Variants in KIAA0586 observed in about 807,000 individuals in gnomAD.
The protein encoded by KIAA0586 is protein TALPID3.
Under a neutral mutation model 169.8 loss-of-function variants are expected in KIAA0586, and 144 were observed. That is an observed-to-expected ratio of 0.85 (90% CI 0.74 to 0.97). The LOEUF (loss-of-function observed/expected upper bound fraction) is 0.97. KIAA0586 is among the 50% of genes least tolerant of loss of function. The pLI is 0.00. For missense variants in KIAA0586, 1,854 were observed against 1,823.0 expected (o/e 1.02, Z -0.31); for synonymous variants, 625 against 612.4 (o/e 1.02, Z -0.30).
Position 58,453,765 on chromosome 14 carries a change from A to T in KIAA0586, c.1253+292A>T, listed in dbSNP as rs1748976. The stretch of plus-strand genomic sequence containing the variant: ...AATAATCCAAGATAGGTTAGGGGCA[A>T]GTAAGTTGGGAGTATAGATAAAATG... On this transcript the variant is annotated intron_variant, in intron 9 of 30. Coordinates refer to ENST00000652326, the MANE Select transcript of KIAA0586 (RefSeq NM_001329943.3). Among the ~76,000 whole-genome samples, 148,671 of 152,154 alleles carry T rather than the reference A, an allele frequency of 0.98. 72,722 individuals are homozygous for T. The highest frequency in any genetic ancestry group is 1 in the Non-Finnish European group (67,963 of 68,000).
intron 4 of KIAA0586, among the ~76,000 whole-genome samples, chr14:58,442,205 G>T (rs2038447854): frequency 6.6e-6 from 1 of 151,818 alleles, no homozygotes; most frequent in Non-Finnish European, 1.5e-5. Flanking sequence ...CGCCTCCTGG[G>T]TTCTAGTAAT....
At chr14:58,473,059 C>G (rs562427412) in intron 18 of KIAA0586, among the ~76,000 whole-genome samples, 1 of 150,002 alleles carries the variant, frequency 6.7e-6, no homozygotes, top group South Asian at 2.1e-4. Context: ...AATATACAAG[C>G]GAAAGAAATG....
rs745868164 is a variant in KIAA0586 at position 58,549,341 on chromosome 14, TA to T, written c.*1422del. 1,078 of 140,270 alleles carry T rather than the reference TA, an allele frequency of 7.7e-3. No individual in the cohort carries two copies. The highest frequency in any genetic ancestry group is 8.8e-3 in the Non-Finnish European group (565 of 64,008). 8.7% of individuals were successfully genotyped at this position (140,270 alleles called of 1,614,324 possible). On this transcript the variant is annotated 3_prime_UTR_variant, in exon 31 of 31. Coordinates refer to ENST00000652326, the MANE Select transcript of KIAA0586 (RefSeq NM_001329943.3). ...CTTGGATGGGGTCCAGCATTGGTAT[TA>T]AAAAAAAAAAAAGACCTTTTCAGGT... is the stretch of plus-strand genomic sequence containing the variant.
intron 26 of KIAA0586, 104 bp downstream of exon 26, chr14:58,492,379 C>A: frequency 1.0e-6 from 1 of 984,848 alleles, no homozygotes; most frequent in Non-Finnish European, 1.4e-6. Flanking sequence ...TTGGTTTTTT[C>A]AAGGGTCAGT....
intron 29 of KIAA0586, among the ~76,000 whole-genome samples, chr14:58,528,112 A>G (rs1018673591): frequency 1.3e-5 from 2 of 152,246 alleles, no homozygotes; most frequent in African/African-American, 4.8e-5. Context: ...AAAGAAGGTT[A>G]TTACGTAATG....
intron 27 of KIAA0586, among the ~76,000 whole-genome samples, chr14:58,499,572 T>C (rs576627716): frequency 7.0e-4 from 101 of 143,398 alleles, no homozygotes; most frequent in South Asian, 2.7e-3. Context: ...TATTTTATTT[T>C]TTTGGAGACG....
chr14:58,446,019 C>A (rs1808542664), intron 6 of KIAA0586, among the ~76,000 whole-genome samples: 1 of 151,126 alleles, frequency 6.6e-6, no homozygotes, highest in Admixed American at 6.6e-5. Flanking sequence ...CAGACGCCCA[C>A]CACCATGCCC....
chr14:58,466,966 C>T (rs2040820466), intron 15 of KIAA0586, among the ~76,000 whole-genome samples: 1 of 152,088 alleles, frequency 6.6e-6, no homozygotes, highest in South Asian at 2.1e-4. Flanking sequence ...TCATTTTTGT[C>T]CTCACACCAG....
intron 20 of KIAA0586, among the ~76,000 whole-genome samples, chr14:58,480,044 G>A (rs773083059): frequency 2.6e-5 from 4 of 151,576 alleles, no homozygotes; most frequent in Non-Finnish European, 1.5e-5. Context: ...CTCAGGATAA[G>A]CTATTCTTTC....
intron 9 of KIAA0586, among the ~76,000 whole-genome samples, chr14:58,455,111 T>G (rs1414709539): frequency 6.6e-6 from 1 of 152,220 alleles, no homozygotes; most frequent in Non-Finnish European, 1.5e-5. Flanking sequence ...TCAAATATGA[T>G]GCTGAGCCCC....
chr14:58,450,896 T>G, intron 8 of KIAA0586, 150 bp downstream of exon 8: 4 of 560,118 alleles, frequency 7.1e-6, no homozygotes, highest in Non-Finnish European at 1.3e-5. Context: ...AGATTCTTTG[T>G]AAAAGGGTTT....
At chr14:58,546,384 C>T (rs1048171966) in intron 30 of KIAA0586, among the ~76,000 whole-genome samples, 1 of 152,098 alleles carries the variant, frequency 6.6e-6, no homozygotes, top group African/African-American at 2.4e-5. Flanking sequence ...ATTAAAATCT[C>T]CAGAACTGTC....
At chr14:58,471,513 T>C (rs1339690283) in intron 17 of KIAA0586, among the ~76,000 whole-genome samples, 1 of 152,196 alleles carries the variant, frequency 6.6e-6, no homozygotes, top group African/African-American at 2.4e-5. Flanking sequence ...CCAGGTTTTG[T>C]TTATTGTAAG....
chr14:58,448,368 C>T lies in KIAA0586; in HGVS notation c.836C>T (p.Thr279Ile), dbSNP rs779264142. 3.1e-6 allele frequency: 5 copies of T among 1,600,772 alleles called. No individual in the cohort carries two copies. The highest frequency in any genetic ancestry group is 8.6e-7 in the Non-Finnish European group (1 of 1,169,194). The change falls in exon 7 of 31, where the codon ACT (threonine) becomes ATT (isoleucine). Residue 279 changes from threonine to isoleucine, a missense_variant. Physicochemically the swap from Thr to Ile is moderately conservative, Grantham distance 89. Coordinates refer to ENST00000652326, the MANE Select transcript of KIAA0586 (RefSeq NM_001329943.3). ...CATTTTATTAGTGCTGCACTCAAGA[C>T]TAGTAGTTTTCAGCCTGTTAGTATG... ...QTHFISAALK[T>I]SSFQPVSMPS...
chr14:58,481,126 A>C (rs141809684), intron 20 of KIAA0586, among the ~76,000 whole-genome samples: 367 of 152,362 alleles, frequency 2.4e-3, no homozygotes, highest in African/African-American at 8.4e-3. Context: ...ACTCAAGAGC[A>C]AATTGCTGTT....
At chr14:58,469,789 C>T (rs924636877) in intron 16 of KIAA0586, among the ~76,000 whole-genome samples, 2 of 152,102 alleles carry the variant, frequency 1.3e-5, no homozygotes, top group African/African-American at 4.8e-5. Context: ...TATCAGCAAG[C>T]AAACTAAATA....
intron 4 of KIAA0586, chr14:58,439,816 G>A (rs1237739574): frequency 1.9e-5 from 19 of 983,964 alleles, no homozygotes; most frequent in Admixed American, 1.8e-4. Context: ...CTTAAAAGTC[G>A]ACGGGGAAGT....
chr14:58,560,506 G>C, the KIAA0586 span, among the ~76,000 whole-genome samples: 1 of 152,212 alleles, frequency 6.6e-6, no homozygotes, highest in East Asian at 1.9e-4. Context: ...CAGGAAGTCT[G>C]AAGTCCATTG....
At chr14:58,432,752 G>A (rs978647069) in intron 4 of KIAA0586, among the ~76,000 whole-genome samples, 10 of 151,954 alleles carry the variant, frequency 6.6e-5, no homozygotes, top group East Asian at 3.9e-4. Flanking sequence ...ATGGAGTCTC[G>A]CGTCGCCCAG....
Sources: allele counts gnomAD v4.1 joint callset (sites outside exome capture counted in the v4.1 genomes callset), GRCh38; gene constraint gnomAD v4.1.1; transcripts MANE v1.5; gene names NCBI Gene and HGNC (gene_info 2026-07-23, HGNC 2026-07-21).